Variants in MGAT5 observed in about 807,000 individuals in gnomAD.
MGAT5 encodes alpha-1,6-mannosylglycoprotein 6-beta-N-acetylglucosaminyltransferase.
In MGAT5, 30 loss-of-function variants were observed where a neutral mutation model predicts 94.3. The observed-to-expected ratio is 0.32, with a 90% CI of 0.24 to 0.43. The LOEUF (loss-of-function observed/expected upper bound fraction) is 0.43. Ranked by LOEUF, MGAT5 falls within the 20% of genes least tolerant of loss-of-function variation. The pLI is 1.00. For synonymous variants in MGAT5, 310 were observed against 322.9 expected (o/e 0.96, Z 0.43); for missense variants, 691 against 905.5 (o/e 0.76, Z 3.04).
intron 7 of MGAT5, among the ~76,000 whole-genome samples, chr2:134,343,269 G>T (rs1020999285): frequency 6.6e-6 from 1 of 152,180 alleles, no homozygotes; most frequent in African/African-American, 2.4e-5. Context: ...TGGAAACTAG[G>T]ACTATAAATG....
At chr2:134,288,149 G>A (rs1027214186) in intron 2 of MGAT5, among the ~76,000 whole-genome samples, 1 of 152,192 alleles carries the variant, frequency 6.6e-6, no homozygotes, top group African/African-American at 2.4e-5. Context: ...TTTGTCTCCT[G>A]ACATGGCTCT....
chr2:134,226,463 A>G (rs779009197), intron 1 of MGAT5, among the ~76,000 whole-genome samples: 4 of 152,028 alleles, frequency 2.6e-5, no homozygotes, highest in Non-Finnish European at 5.9e-5. Context: ...GCTTGCTTTT[A>G]CTGTATTCTT....
intron 10 of MGAT5, among the ~76,000 whole-genome samples, chr2:134,364,085 T>G (rs565251549): frequency 6.6e-6 from 1 of 152,348 alleles, no homozygotes; most frequent in East Asian, 1.9e-4. Flanking sequence ...CTCCTAGCAC[T>G]CTCTGGCAAC....
chr2:134,419,566 T>G (rs1684183934), intron 12 of MGAT5, among the ~76,000 whole-genome samples: 2 of 151,768 alleles, frequency 1.3e-5, no homozygotes, highest in Non-Finnish European at 2.9e-5. Context: ...TAATAAGATT[T>G]TCATTACTTT....
At chr2:134,387,326 ATATATATTTTT>A (rs1432654003) in intron 10 of MGAT5, among the ~76,000 whole-genome samples, 2 of 36,764 alleles carry the variant, frequency 5.4e-5, no homozygotes, top group African/African-American at 2.8e-4. Context: ...ATATATATAT[ATATATATTTTT>A]TTTTTTTTTT....
chr2:134,123,149 A>C (rs1451914012), intron 1 of MGAT5, among the ~76,000 whole-genome samples: 3 of 152,192 alleles, frequency 2.0e-5, no homozygotes, highest in Admixed American at 2.0e-4. Context: ...TTGTTTTAAA[A>C]TAAGCAACTT....
rs147641204 is a variant in MGAT5 at position 134,224,261 on chromosome 2, C to T, written c.-142-30001C>T. 1.2e-3 allele frequency among the ~76,000 whole-genome samples: 186 copies of T among 152,236 alleles called. 1 individual carries two copies. The highest frequency in any genetic ancestry group is 4.2e-3 in the African/African-American group (175 of 41,548). On this transcript the variant is annotated intron_variant, in intron 1 of 16. Transcript: ENST00000409645. ...CGTTTCATGATCTGTGGGAAGTTTC[C>T]AGAGCGGTACTTGGTATCTTCCATA...
At chr2:134,278,316 T>C (rs148999547) in intron 2 of MGAT5, among the ~76,000 whole-genome samples, 1 of 152,326 alleles carries the variant, frequency 6.6e-6, no homozygotes, top group African/African-American at 2.4e-5. Context: ...AGGGCAGAGA[T>C]GGATGGTCCC....
At chr2:134,251,294 C>G (rs1020933096), upstream of MGAT5, among the ~76,000 whole-genome samples, 11 of 152,108 alleles carry the variant, frequency 7.2e-5, no homozygotes, top group African/African-American at 2.7e-4. Flanking sequence ...GAAACTCCAT[C>G]TTGTTCACTG....
chr2:134,341,487 G>C lies in MGAT5; in HGVS notation c.808-103G>C, dbSNP rs148153730. 6.9e-4 allele frequency: 637 copies of C among 922,828 alleles called. 4 individuals carry two copies. In the African/African-American group the frequency reaches 9.4e-3, roughly 14 times the overall value. 57.2% of individuals were successfully genotyped at this position (922,828 alleles called of 1,614,324 possible). A position where few individuals can be genotyped will look rare whatever the true frequency, so the allele number is the denominator to read the frequency against. Reference sequence around the variant, plus strand: ...ATTCCCCACCCTTTGATTTTGTTAGGATGTAAACATGACTTTGGGATTGGT... The same window carrying C: ...ATTCCCCACCCTTTGATTTTGTTAGCATGTAAACATGACTTTGGGATTGGT... On this transcript the variant is annotated intron_variant, in intron 6 of 15. Transcript: ENST00000281923.
At chr2:134,380,037 C>T (rs1681436419) in intron 10 of MGAT5, among the ~76,000 whole-genome samples, 1 of 152,172 alleles carries the variant, frequency 6.6e-6, no homozygotes, top group Non-Finnish European at 1.5e-5. Context: ...GGTGAGATGA[C>T]GCATGTCAAA....
intron 2 of MGAT5, among the ~76,000 whole-genome samples, chr2:134,313,013 TG>T (rs1180472383): frequency 6.6e-6 from 1 of 151,282 alleles, no homozygotes; most frequent in Non-Finnish European, 1.5e-5. Flanking sequence ...TTCCTTGCTC[TG>T]AGGCCACAGA....
intron 4 of MGAT5, among the ~76,000 whole-genome samples, chr2:134,335,455 T>A (rs1380887739): frequency 1.3e-5 from 2 of 152,168 alleles, no homozygotes; most frequent in Non-Finnish European, 2.9e-5. Context: ...GAAATTAAGT[T>A]GCCTAATAGT....
At chr2:134,187,397 AG>A (rs1225130688) in intron 1 of MGAT5, among the ~76,000 whole-genome samples, 1 of 152,150 alleles carries the variant, frequency 6.6e-6, no homozygotes, top group African/African-American at 2.4e-5. Context: ...GGTAATGATA[AG>A]GGGTTGGATG....
chr2:134,294,644 G>C (rs1477140153), intron 2 of MGAT5, among the ~76,000 whole-genome samples: 1 of 152,134 alleles, frequency 6.6e-6, no homozygotes, highest in South Asian at 2.1e-4. Context: ...TTTATTCAAA[G>C]ACCTGTGCTA....
chr2:134,291,479 G>A (rs963863133), intron 2 of MGAT5, among the ~76,000 whole-genome samples: 1 of 152,188 alleles, frequency 6.6e-6, no homozygotes, highest in Non-Finnish European at 1.5e-5. Context: ...TAGCAGCCCA[G>A]ACTAAGACAA....
At chr2:134,151,992 CCTCA>C (rs1687220880) in intron 1 of MGAT5, among the ~76,000 whole-genome samples, 2 of 143,100 alleles carry the variant, frequency 1.4e-5, no homozygotes, top group South Asian at 4.6e-4. Context: ...TGCCATGAGA[CCTCA>C]CTCACTCATG....
rs562418790 is a variant in MGAT5, at chr2:134,319,349, A to G, written c.573+610A>G. ...TTTCTGGTTTTGTTTTTTGAATAAT[A>G]CAAATTATTTAGAGAAAGGAGGATC... On this transcript the variant is annotated intron_variant, in intron 4 of 15. Transcript: ENST00000281923. Among the ~76,000 whole-genome samples the G allele has an allele frequency of 2.6e-4, 40 of 152,296 alleles. No homozygotes were observed. The South Asian group carries it at 7.7e-3, about 29-fold the overall frequency.
At chr2:134,237,643 TG>T (rs1431669317) in intron 1 of MGAT5, among the ~76,000 whole-genome samples, 3 of 115,010 alleles carry the variant, frequency 2.6e-5, no homozygotes, top group African/African-American at 9.4e-5. Context: ...TTTTTTGAGA[TG>T]GAGTCTTGCT....
Sources: allele counts gnomAD v4.1 joint callset (sites outside exome capture counted in the v4.1 genomes callset), GRCh38; gene constraint gnomAD v4.1.1; transcripts MANE v1.5; gene names NCBI Gene and HGNC (gene_info 2026-07-23, HGNC 2026-07-21).